Variants in DIP2C observed in about 807,000 individuals in gnomAD.
The protein encoded by DIP2C is disco-interacting protein 2 homolog C.
DIP2C carries 33 observed loss-of-function variants against 192.4 expected under a neutral mutation model. The observed-to-expected ratio is 0.17, with a 90% CI of 0.13 to 0.23. The LOEUF is 0.23. Ranked by LOEUF, DIP2C falls within the 10% of genes least tolerant of loss-of-function variation. The pLI, the probability that DIP2C is intolerant of heterozygous loss-of-function variation, is 1.00. For synonymous variants in DIP2C, 979 were observed against 864.1 expected, an observed-to-expected ratio of 1.13 and a Z score of -2.33; for missense variants, 1,537 against 2,110.1, an observed-to-expected ratio of 0.73 and a Z score of 5.32.
intron 3 of DIP2C, among the ~76,000 whole-genome samples, chr10:442,969 G>T (rs769548952): frequency 3.9e-5 from 6 of 152,174 alleles, no homozygotes; most frequent in Non-Finnish European, 8.8e-5. Context: ...AAATTTTCAA[G>T]AATACAGGTT....
Position 689,438 on chromosome 10 carries a change from G to A in DIP2C, c.85+56C>T. The A allele has an allele frequency of 9.9e-7, 1 of 1,007,272 alleles. No individual in the cohort carries two copies. The highest frequency in any genetic ancestry group is 5.8e-5 in the Admixed American group (1 of 17,118). 62.4% of individuals were successfully genotyped at this position (1,007,272 alleles called of 1,614,324 possible). On this transcript the variant is annotated intron_variant, in intron 1 of 36. Transcript: ENST00000280886. The surrounding 1 kb of genome is among the most constrained non-coding windows in gnomAD (Gnocchi z 6.1). ...GCAGGCCCCGCGCCCCCAGCCCTCC[G>A]CGCGCGGCCCTCCCCGGTGACAGCG...
intron 1 of DIP2C, among the ~76,000 whole-genome samples, chr10:676,117 C>A (rs558152945): frequency 1.3e-5 from 2 of 152,246 alleles, no homozygotes; most frequent in African/African-American, 4.8e-5. Context: ...AAACACAAAC[C>A]AATAAACACG....
chr10:345,291 A>T, intron 26 of DIP2C, 181 bp from the exon 27 acceptor site: 1 of 708,892 alleles, frequency 1.4e-6, no homozygotes, highest in South Asian at 1.5e-5. Context: ...TTGTGGAGGC[A>T]CGGGGGCAGG....
intron 1 of DIP2C, among the ~76,000 whole-genome samples, chr10:490,784 CAG>C (rs745575334): frequency 1.7e-4 from 26 of 152,248 alleles, no homozygotes; most frequent in East Asian, 1.5e-3. Context: ...ATGTTATTCT[CAG>C]AGACTTTCCG....
intron 1 of DIP2C, among the ~76,000 whole-genome samples, chr10:563,518 C>T (rs527961831): frequency 9.2e-5 from 14 of 152,166 alleles, no homozygotes; most frequent in Non-Finnish European, 1.8e-4. Context: ...GTCAACATCC[C>T]AAACTAAGCA....
At chr10:416,340 C>A (rs1169296926) in intron 6 of DIP2C, among the ~76,000 whole-genome samples, 1 of 152,064 alleles carries the variant, frequency 6.6e-6, no homozygotes, top group Non-Finnish European at 1.5e-5. Context: ...CAGCATTCAG[C>A]CTCATGGAGG....
intron 1 of DIP2C, among the ~76,000 whole-genome samples, chr10:506,380 A>G (rs1028339182): frequency 1.3e-5 from 2 of 152,298 alleles, no homozygotes; most frequent in African/African-American, 4.8e-5. Context: ...AAGGGGGATC[A>G]GCCCAAGGCC....
chr10:587,182 G>A lies in DIP2C; in HGVS notation c.86-100652C>T, dbSNP rs533878059. Among the ~76,000 whole-genome samples the A allele has an allele frequency of 6.6e-5, 10 of 151,866 alleles. No homozygotes were observed. The South Asian group carries it at 1.3e-3, about 19-fold the overall frequency. On this transcript the variant is annotated intron_variant, in intron 1 of 36. Transcript: ENST00000280886. ...GTCCCTGCTGACAGTGTGGCGAGGG[G>A]CAAACAGTGCAGGGTCTAAGGCCAG... is the stretch of plus-strand genomic sequence containing the variant.
At chr10:299,232 T>C (rs763358336) in intron 32 of DIP2C, among the ~76,000 whole-genome samples, 1 of 152,240 alleles carries the variant, frequency 6.6e-6, no homozygotes, top group Non-Finnish European at 1.5e-5. Context: ...AGGAATACTA[T>C]CTTACAGAAC....
rs747997042 is a variant in DIP2C at position 281,248 on chromosome 10, A to G, written c.4370T>C (p.Ile1457Thr). Residue 1457 changes from isoleucine (I) to threonine (T), a missense_variant, in exon 36 of 37, where the codon ATC becomes ACC. Coordinates refer to ENST00000280886, the MANE Select transcript of DIP2C (RefSeq NM_014974.3). ...TCTGATGACCGAGGTCTCAATGTCG[A>G]TTGGGTGGTACCGCATGCCCCGCAG... ...MELRGMRYHP[I>T]DIETSVIRAH... 3 of 1,613,990 alleles carry G rather than the reference A, an allele frequency of 1.9e-6. No individual in the cohort carries two copies. The highest frequency in any genetic ancestry group is 2.5e-6 in the Non-Finnish European group (3 of 1,180,032).
intron 17 of DIP2C, among the ~76,000 whole-genome samples, chr10:373,150 G>A (rs1170601612): frequency 1.3e-5 from 2 of 152,182 alleles, no homozygotes; most frequent in South Asian, 2.1e-4. Flanking sequence ...CTGAGTGCCC[G>A]CCCCTCCCTG....
At chr10:441,815 C>T (rs1346337289) in intron 3 of DIP2C, among the ~76,000 whole-genome samples, 3 of 152,202 alleles carry the variant, frequency 2.0e-5, no homozygotes, top group Non-Finnish European at 4.4e-5. Flanking sequence ...GAATCCATTA[C>T]ATTAATTCCA....
chr10:423,020 G>A lies in DIP2C; in HGVS notation c.408C>T (p.Gly136=), dbSNP rs141856119. The change falls in exon 5 of 37, where the codon GGC becomes GGT. Residue 136 remains glycine (G), a synonymous_variant. Transcript: ENST00000280886. ...CCTGCACTGAGCCTTCATCTTCTGA[G>A]CCAGAAGAGGTATCTGTGTAAGAAG... is the stretch of plus-strand genomic sequence containing the variant. The part of the protein sequence containing the change: ...DAYTPPDTSS[G]SEDEGSVQGD... 3.9e-3 allele frequency: 6,301 copies of A among 1,609,480 alleles called. 16 individuals are homozygous for A. The highest frequency in any genetic ancestry group is 5.0e-3 in the Non-Finnish European group (5,926 of 1,177,026).
rs564262140 is a variant in DIP2C at position 288,225 on chromosome 10, T to G, written c.4044+139A>C. On this transcript the variant is annotated intron_variant, in intron 33 of 36. Transcript: ENST00000280886. The stretch of plus-strand genomic sequence containing the variant: ...GTTTAAAACACTGTTATTTTGAGTT[T>G]CTATACTCACTGATATGTTACTTTC... 54 of 832,708 alleles carry G rather than the reference T, an allele frequency of 6.5e-5. No homozygotes were observed. The African/African-American group carries it at 9.1e-4, about 14-fold the overall frequency. The allele number at this position is 832,708 out of a possible 1,614,324, so 51.6% of individuals were successfully genotyped here.
At chr10:584,044 TGGA>T (rs768122258) in intron 1 of DIP2C, among the ~76,000 whole-genome samples, 10 of 152,180 alleles carry the variant, frequency 6.6e-5, no homozygotes, top group Non-Finnish European at 1.5e-4. Flanking sequence ...GTCTGTCCTA[TGGA>T]GGAGGTGGCC....
intron 28 of DIP2C, among the ~76,000 whole-genome samples, chr10:342,409 C>G (rs866608289): frequency 6.6e-6 from 1 of 152,190 alleles, no homozygotes; most frequent in Admixed American, 6.5e-5. Flanking sequence ...CCACCCGCCT[C>G]GGCCTCCCAA....
intron 31 of DIP2C, among the ~76,000 whole-genome samples, chr10:316,242 G>GA (rs1415153215): frequency 3.9e-5 from 6 of 152,062 alleles, no homozygotes; most frequent in African/African-American, 1.4e-4. Flanking sequence ...AATGTTTTAT[G>GA]AAAAACGAAG....
chr10:280,469 A>G (rs1262634274), intron 36 of DIP2C, among the ~76,000 whole-genome samples: 3 of 151,986 alleles, frequency 2.0e-5, no homozygotes, highest in East Asian at 2.0e-4. Context: ...CCAAACTGCC[A>G]ATCTAAAGGC....
At chr10:620,109 G>A (rs1162310368) in intron 1 of DIP2C, among the ~76,000 whole-genome samples, 3 of 152,316 alleles carry the variant, frequency 2.0e-5, no homozygotes, top group Admixed American at 6.5e-5. Flanking sequence ...GTGGCTGAAT[G>A]TATTTACGGA....
Sources: gnomAD v4.1 joint callset for allele counts (sites outside exome capture counted in the v4.1 genomes callset) on GRCh38, gnomAD v4.1.1 for gene constraint, Gnocchi (gnomAD v3.1) non-coding constraint, MANE v1.5 for transcripts, NCBI Gene and HGNC (gene_info 2026-07-23, HGNC 2026-07-21) for gene names.